ZNF559: variants seen among roughly 807,000 people sequenced by gnomAD.
The protein encoded by ZNF559 is putative protein product of Nbla00121.
In ZNF559, 17 loss-of-function variants were observed where a neutral mutation model predicts 14.2. The ratio of observed to expected loss-of-function variants is 1.20; its 90% CI spans 0.82 to 1.80. ZNF559 has a LOEUF of 1.80. Among genes scored for constraint, ZNF559 ranks in the 40% most tolerant of loss-of-function variants. The pLI is 0.00. For synonymous variants in ZNF559, 244 were observed against 212.4 expected, an observed-to-expected ratio of 1.15 and a Z score of -1.29; for missense variants, 740 against 629.7, an observed-to-expected ratio of 1.18 and a Z score of -1.88.
In ZNF559 at chr19:9,342,334, A is replaced by G. The variant is rs1047703612; in HGVS notation, c.883A>G (p.Lys295Glu). The change falls in exon 7 of 7, where the codon AAA becomes GAA. Residue 295 changes from lysine to glutamate, a missense_variant. Physicochemically the swap from Lys to Glu is moderately conservative, Grantham distance 56 (BLOSUM62 1). Transcript: ENST00000603380. ...ACATATAAGACTTAGAACTAGAGGA[A>G]AACACTATGTTTGTAATGAATGTGG... ...AKHIRLRTRG[K>E]HYVCNECGKE... The G allele has an allele frequency of 2.5e-6, 4 of 1,602,974 alleles. No individual in the cohort carries two copies. Among genetic ancestry groups the G allele is most frequent in the South Asian group, 2.2e-5 (2 of 89,108 alleles).
Position 9,343,873 on chromosome 19 carries a change from G to A in ZNF559, c.*805G>A, listed in dbSNP as rs953768025. On this transcript the variant is annotated 3_prime_UTR_variant, in exon 7 of 7. Transcript: ENST00000603380. ...TCCTGAGTTATCTCAATTGTTCACG[G>A]TTACAGATGGAACTCTTTATTATTG... 1.1e-6 allele frequency: 1 copy of A among 904,294 alleles called. No individual in the cohort carries two copies. 56.0% of individuals were successfully genotyped at this position (904,294 alleles called of 1,614,324 possible). A position where few individuals can be genotyped will look rare whatever the true frequency, so the allele number is the denominator to read the frequency against.
In ZNF559 at chr19:9,341,990, C is replaced by T; in HGVS notation, c.539C>T (p.Thr180Ile). Reference protein sequence around the residue: ...NLHLVCKKTHTQEKPYKCSDC... With the variant: ...NLHLVCKKTHIQEKPYKCSDC... Reference sequence around the variant, plus strand: ...CATCTTGTTTGCAAGAAAACTCACACTCAAGAGAAACCATATAAATGCAGT... The same window carrying T: ...CATCTTGTTTGCAAGAAAACTCACATTCAAGAGAAACCATATAAATGCAGT... The change falls in exon 7 of 7, where the codon ACT (threonine) becomes ATT (isoleucine). Residue 180 changes from threonine (T) to isoleucine (I), a missense_variant. By Grantham distance (89) the Thr-to-Ile change is moderately conservative. Transcript: ENST00000603380. 6.2e-7 allele frequency: 1 copy of T among 1,613,356 alleles called. No homozygotes were observed. The highest frequency in any genetic ancestry group is 8.5e-7 in the Non-Finnish European group (1 of 1,179,834).
At chr19:9,324,630 A>C (rs7251157) in intron 1 of ZNF559, 65 bp from the exon 2 acceptor site, 54,526 of 385,192 alleles carry the variant, frequency 0.14, 1,657 homozygotes, top group African/African-American at 0.27. Context: ...CCCCCCCCCC[A>C]ACCATCTCTA....
At chr19:9,327,103 C>T (rs1012824329) in intron 2 of ZNF559, among the ~76,000 whole-genome samples, 3 of 152,116 alleles carry the variant, frequency 2.0e-5, no homozygotes, top group Admixed American at 1.3e-4. Context: ...AGTGATACTA[C>T]GCATTTGGTC....
rs1568367801 is a variant in ZNF559 at position 9,341,784 on chromosome 19, AACTT to A, written c.338_341del (p.Tyr113LeufsTer91). 3.1e-6 allele frequency: 5 copies of A among 1,607,998 alleles called. No homozygotes were observed. Among genetic ancestry groups the A allele is most frequent in the African/African-American group, 2.7e-5 (2 of 74,330 alleles). Reference sequence around the variant, plus strand: ...ACTCATGCCTTAAGACTCACAGGAGAACTTACTTTAGAAAGAAAACCTGTGAGTG... The same window carrying A: ...ACTCATGCCTTAAGACTCACAGGAGAACTTTAGAAAGAAAACCTGTGAGTG... On this transcript the variant is annotated frameshift_variant, in exon 7 of 7. Coordinates refer to ENST00000603380, the MANE Select transcript of ZNF559 (RefSeq NM_032497.3). LOFTEE classifies it low-confidence loss of function (END_TRUNC).
chr19:9,336,877 C>T (rs1202870885), intron 2 of ZNF559, among the ~76,000 whole-genome samples: 1 of 152,142 alleles, frequency 6.6e-6, no homozygotes, highest in Non-Finnish European at 1.5e-5. Flanking sequence ...TGGGGGTCCT[C>T]AAGACCACCA....
chr19:9,342,634 T>TC lies in ZNF559; in HGVS notation c.1185dup (p.Phe396LeufsTer2). 6.2e-7 allele frequency: 1 copy of TC among 1,614,086 alleles called. No homozygotes were observed. Among genetic ancestry groups the TC allele is most frequent in the Non-Finnish European group, 8.5e-7 (1 of 1,179,996 alleles). ...TGGAAAAGCCTTTATTAATTCCTCTTCCTTTAAAAGTCACATGCAGACTCA... is the reference window on the plus strand; with the variant it reads ...TGGAAAAGCCTTTATTAATTCCTCTTCCCTTTAAAAGTCACATGCAGACTCA... On this transcript the variant is annotated frameshift_variant, in exon 7 of 7. Transcript: ENST00000603380. LOFTEE classifies it low-confidence loss of function (END_TRUNC).
intron 2 of ZNF559, among the ~76,000 whole-genome samples, chr19:9,333,986 A>G (rs945627223): frequency 6.6e-6 from 1 of 152,058 alleles, no homozygotes; most frequent in African/African-American, 2.4e-5. Context: ...AAAAAGAGTT[A>G]CGAGATGTTG....
chr19:9,338,705 A>T lies in ZNF559; in HGVS notation c.33+123A>T, dbSNP rs1037229609. The stretch of plus-strand genomic sequence containing the variant: ...GGTCTGCTTAGGGACCACATCTCTC[A>T]TCAAACTTCTTCGGACCACAGGGCC... On this transcript the variant is annotated intron_variant, in intron 4 of 6. Coordinates refer to ENST00000603380, the MANE Select transcript of ZNF559 (RefSeq NM_032497.3). The T allele has an allele frequency of 5.6e-6, 4 of 708,870 alleles. No individual in the cohort carries two copies. The African/African-American group carries it at 7.2e-5, about 13-fold the overall frequency. 43.9% of individuals were successfully genotyped at this position (708,870 alleles called of 1,614,324 possible).
At chr19:9,338,307 A>G (rs1285494279) in intron 3 of ZNF559, among the ~76,000 whole-genome samples, 187 bp from the exon 4 acceptor site, 2 of 151,998 alleles carry the variant, frequency 1.3e-5, no homozygotes, top group Non-Finnish European at 2.9e-5. Context: ...TGGGATTGTT[A>G]AACTCTCTCT....
chr19:9,333,484 C>T (rs1241012222), intron 2 of ZNF559, among the ~76,000 whole-genome samples: 1 of 152,202 alleles, frequency 6.6e-6, no homozygotes, highest in African/African-American at 2.4e-5. Flanking sequence ...AGGAGAATCA[C>T]TTGCGTCCCA....
intron 2 of ZNF559, among the ~76,000 whole-genome samples, chr19:9,327,938 C>G (rs1394752536): frequency 6.6e-6 from 1 of 152,182 alleles, no homozygotes; most frequent in Non-Finnish European, 1.5e-5. Context: ...GACCTGGAAT[C>G]AATGATTGCT....
Position 9,345,696 on chromosome 19 carries a change from C to T in ZNF559, c.*2628C>T, listed in dbSNP as rs1438660062. ...AGAGACAGGGTTTTACTCTGTCTCC[C>T]AGGCTGAAGTGCGTGGCACGATCAT... On this transcript the variant is annotated 3_prime_UTR_variant, in exon 7 of 7. Transcript: ENST00000603380. 1.3e-5 allele frequency: 2 copies of T among 151,054 alleles called. No individual in the cohort carries two copies. The highest frequency in any genetic ancestry group is 3.9e-4 in the East Asian group (2 of 5,178). The allele number at this position is 151,054 out of a possible 1,614,324, so 9.4% of individuals were successfully genotyped here. A position where few individuals can be genotyped will look rare whatever the true frequency, so the allele number is the denominator to read the frequency against.
chr19:9,341,704 C>T lies in ZNF559; in HGVS notation c.253C>T (p.His85Tyr), dbSNP rs1489111175. The T allele has an allele frequency of 6.3e-7, 1 of 1,596,808 alleles. No homozygotes were observed. The highest frequency in any genetic ancestry group is 1.4e-5 in the African/African-American group (1 of 73,648). The change falls in exon 7 of 7, where the codon CAT (histidine) becomes TAT (tyrosine). Residue 85 changes from histidine (H) to tyrosine (Y), a missense_variant. His to Tyr is a moderately conservative substitution (Grantham distance 83). Coordinates refer to ENST00000603380, the MANE Select transcript of ZNF559 (RefSeq NM_032497.3). The stretch of plus-strand genomic sequence containing the variant: ...TAATTTTCACCAACAGGAGAGAAAC[C>T]ATTTTGGAGAGGAACTGTTTGACTT... ...TSSVVEMERN[H>Y]FGEELFDFNQ... is the part of the protein sequence containing the mutation.
At chr19:9,324,034 CT>C, upstream of ZNF559, 1 of 924,320 alleles carries the variant, frequency 1.1e-6, no homozygotes, top group African/African-American at 1.7e-5. Context: ...ACCGGTGACA[CT>C]TGCGCTCTTC....
In ZNF559 at chr19:9,342,601, A is replaced by G. The variant is rs372249028; in HGVS notation, c.1150A>G (p.Lys384Glu). ...THTGEKPYQC[K>E]ECGKAFINSS... ...CACTGGTGAGAAGCCTTATCAATGT[A>G]AGGAATGTGGAAAAGCCTTTATTAA... The change falls in exon 7 of 7, where the codon AAG becomes GAG. Residue 384 changes from lysine (K) to glutamate (E), a missense_variant. Lys to Glu is a moderately conservative substitution (Grantham distance 56). Transcript: ENST00000603380. The G allele has an allele frequency of 1.9e-6, 3 of 1,613,482 alleles. No homozygotes were observed. Among genetic ancestry groups the G allele is most frequent in the African/African-American group, 2.7e-5 (2 of 74,722 alleles).
intron 2 of ZNF559, among the ~76,000 whole-genome samples, chr19:9,334,212 G>A (rs537178905): frequency 8.5e-5 from 13 of 152,346 alleles, no homozygotes; most frequent in African/African-American, 2.9e-4. Flanking sequence ...TACTGGTTAA[G>A]TGTCAGAAAT....
At chr19:9,338,919 G>C (rs2067387316) in intron 4 of ZNF559, among the ~76,000 whole-genome samples, 1 of 152,180 alleles carries the variant, frequency 6.6e-6, no homozygotes, top group South Asian at 2.1e-4. Flanking sequence ...ATTCAGGGTT[G>C]TGCTAAAACC....
chr19:9,324,729 T>G lies in ZNF559; in HGVS notation c.-171T>G. The G allele has an allele frequency of 6.5e-7, 1 of 1,535,664 alleles. No homozygotes were observed. The highest frequency in any genetic ancestry group is 8.7e-7 in the Non-Finnish European group (1 of 1,146,770). ...CTCTGCCTTCCTGTTCACGGTGACC[T>G]TCGCTTGGTGTCCTCCTGGCCTCAG... is the stretch of plus-strand genomic sequence containing the variant. On this transcript the variant is annotated 5_prime_UTR_variant, in exon 2 of 7. Coordinates refer to ENST00000603380, the MANE Select transcript of ZNF559 (RefSeq NM_032497.3).
Sources: allele counts gnomAD v4.1 joint callset (sites outside exome capture counted in the v4.1 genomes callset), GRCh38; gene constraint gnomAD v4.1.1; transcripts MANE v1.5; gene names NCBI Gene and HGNC (gene_info 2026-07-23, HGNC 2026-07-21).